Variants in DNAJC21 observed in about 807,000 individuals in gnomAD.
DNAJC21 encodes the protein DnaJ heat shock protein family (Hsp40) member C21.
DNAJC21 carries 63 observed loss-of-function variants against 72.4 expected under a neutral mutation model. The ratio of observed to expected loss-of-function variants is 0.87; its 90% CI spans 0.71 to 1.07. The LOEUF (loss-of-function observed/expected upper bound fraction) is 1.07, where lower values mean the gene tolerates loss of function less well. Among genes scored for constraint, DNAJC21 ranks in the 50% least tolerant of loss-of-function variants. The pLI is 0.00. For missense variants in DNAJC21, 634 were observed against 644.8 expected, an observed-to-expected ratio of 0.98 and a Z score of 0.18; for synonymous variants, 203 against 216.7, an observed-to-expected ratio of 0.94 and a Z score of 0.56.
chr5:34,945,654 T>C, intron 8 of DNAJC21, 107 bp from the exon 9 acceptor site: 2 of 908,042 alleles, frequency 2.2e-6, no homozygotes, highest in Non-Finnish European at 1.6e-6. Flanking sequence ...TTTTTAATCT[T>C]TTACTTCTGT....
At chr5:34,945,081 TA>T in intron 8 of DNAJC21, 56 bp downstream of exon 8, 1 of 1,581,062 alleles carries the variant, frequency 6.3e-7, no homozygotes, top group East Asian at 2.3e-5. Context: ...GAGATTGCAT[TA>T]AAAGGTTTTT....
At chr5:34,939,125 G>A (rs1764899079) in intron 6 of DNAJC21, 116 bp downstream of exon 6, 1 of 983,312 alleles carries the variant, frequency 1.0e-6, no homozygotes, top group South Asian at 1.8e-5. Context: ...AAATAATGTT[G>A]TATGGGCCAA....
At chr5:34,942,319 C>T (rs749371935) in intron 7 of DNAJC21, among the ~76,000 whole-genome samples, 9 of 151,834 alleles carry the variant, frequency 5.9e-5, no homozygotes, top group Non-Finnish European at 1.3e-4. Context: ...AAACGGATAC[C>T]ATTATTATAA....
intron 7 of DNAJC21, 72 bp from the exon 8 acceptor site, chr5:34,944,795 G>T: frequency 6.3e-7 from 1 of 1,579,196 alleles, no homozygotes; most frequent in Non-Finnish European, 8.6e-7. Flanking sequence ...CTTGGTTGCA[G>T]TTATCCAGCA....
At chr5:34,942,254 T>G (rs983951247) in intron 7 of DNAJC21, among the ~76,000 whole-genome samples, 1 of 152,162 alleles carries the variant, frequency 6.6e-6, no homozygotes, top group East Asian at 1.9e-4. Context: ...AGAGTATCTT[T>G]GCTGAAGTGG....
chr5:34,933,596 A>G (rs1561180306), intron 1 of DNAJC21, among the ~76,000 whole-genome samples: 1 of 152,138 alleles, frequency 6.6e-6, no homozygotes, highest in East Asian at 1.9e-4. Flanking sequence ...CTGTTTAGTG[A>G]TGTACCAAGG....
intron 3 of DNAJC21, 24 bp downstream of exon 3, chr5:34,935,857 G>A (rs868630231): frequency 6.2e-7 from 1 of 1,613,152 alleles, no homozygotes; most frequent in Non-Finnish European, 8.5e-7. Context: ...ACTCACCCTT[G>A]ATTTCTCATC....
intron 9 of DNAJC21, among the ~76,000 whole-genome samples, chr5:34,949,219 G>A (rs1269810484): frequency 1.3e-5 from 2 of 152,072 alleles, no homozygotes; most frequent in Non-Finnish European, 2.9e-5. Context: ...CGGGATTATA[G>A]TATTATGCTA....
chr5:34,940,113 C>T (rs548354166), intron 6 of DNAJC21, among the ~76,000 whole-genome samples: 1 of 152,228 alleles, frequency 6.6e-6, no homozygotes, highest in South Asian at 2.1e-4. Flanking sequence ...GGAGGTTTTG[C>T]TCATGGAATC....
At chr5:34,945,736 C>T (rs1418226813) in intron 8 of DNAJC21, 25 bp from the exon 9 acceptor site, 1 of 1,566,296 alleles carries the variant, frequency 6.4e-7, no homozygotes, top group South Asian at 1.2e-5. Flanking sequence ...AAGTATTTGA[C>T]ATTTCGATTT....
intron 9 of DNAJC21, 59 bp downstream of exon 9, chr5:34,945,862 T>C (rs1765161283): frequency 8.1e-7 from 1 of 1,227,718 alleles, no homozygotes; most frequent in South Asian, 1.4e-5. Context: ...AGTGCTCTTA[T>C]TTATTCAGTG....
chr5:34,951,106 T>G, intron 10 of DNAJC21: 1 of 985,448 alleles, frequency 1.0e-6, no homozygotes, highest in Non-Finnish European at 1.2e-6. Flanking sequence ...CTTCGGAGTT[T>G]AAGGCACTTA....
At chr5:34,950,772 G>T in intron 10 of DNAJC21, 1 of 987,908 alleles carries the variant, frequency 1.0e-6, no homozygotes, top group Non-Finnish European at 1.2e-6. Flanking sequence ...GGCAGCAGCT[G>T]GGGCCCTTCC....
rs575602182 is a variant in DNAJC21, at chr5:34,941,836, G to A, written c.983+653G>A. ...CCCACCTCGGCCTCCCAAAGTGTTGGGATTACAGGCGTGAGCCACAGCGCC... is the reference window on the plus strand; with the variant it reads ...CCCACCTCGGCCTCCCAAAGTGTTGAGATTACAGGCGTGAGCCACAGCGCC... On this transcript the variant is annotated intron_variant, in intron 7 of 11. Transcript: ENST00000648817. Among the ~76,000 whole-genome samples, 4 of 151,810 alleles carry A rather than the reference G, an allele frequency of 2.6e-5. No individual in the cohort carries two copies. The South Asian group carries it at 8.3e-4, about 32-fold the overall frequency.
rs903142642 is a variant in DNAJC21 at position 34,956,520 on chromosome 5, C to G, written c.*1806C>G. The G allele has an allele frequency of 2.0e-5, 3 of 152,084 alleles. No individual in the cohort carries two copies. The highest frequency in any genetic ancestry group is 2.9e-5 in the Non-Finnish European group (2 of 68,032). 9.4% of individuals were successfully genotyped at this position (152,084 alleles called of 1,614,324 possible). A position where few individuals can be genotyped will look rare whatever the true frequency, so the allele number is the denominator to read the frequency against. On this transcript the variant is annotated 3_prime_UTR_variant, in exon 12 of 12. Coordinates refer to ENST00000648817, the MANE Select transcript of DNAJC21 (RefSeq NM_001012339.3). Reference sequence around the variant, plus strand: ...GTGCTCTGCCGCCTTCTTATCTGAACTAGATGAATTGGCCATAATTATGAA... The same window carrying G: ...GTGCTCTGCCGCCTTCTTATCTGAAGTAGATGAATTGGCCATAATTATGAA...
intron 1 of DNAJC21, among the ~76,000 whole-genome samples, chr5:34,931,778 G>T (rs1245184739): frequency 6.6e-6 from 1 of 152,136 alleles, no homozygotes; most frequent in Admixed American, 6.5e-5. Context: ...GCCCAAGCCA[G>T]GCTTGGGGTC....
intron 1 of DNAJC21, among the ~76,000 whole-genome samples, chr5:34,932,433 A>C (rs1472719752): frequency 6.6e-6 from 1 of 152,102 alleles, no homozygotes; most frequent in African/African-American, 2.4e-5. Context: ...AAAAAAAAAA[A>C]AAACGAACTT....
rs772248781 is a variant in DNAJC21 at position 34,941,122 on chromosome 5, G to T, written c.922G>T (p.Ala308Ser). 2 of 1,614,122 alleles carry T rather than the reference G, an allele frequency of 1.2e-6. No individual in the cohort carries two copies. The highest frequency in any genetic ancestry group is 1.7e-6 in the Non-Finnish European group (2 of 1,179,992). Residue 308 changes from alanine to serine, a missense_variant, in exon 7 of 12, where the codon GCT becomes TCT. Physicochemically the swap from Ala to Ser is moderately conservative, Grantham distance 99 (BLOSUM62 1). Coordinates refer to ENST00000648817, the MANE Select transcript of DNAJC21 (RefSeq NM_001012339.3). Reference sequence around the variant, plus strand: ...TAAAGACAGTGATGAGGCCGAGGACGCTGAGCTCTATGATGACCTTTACTG... The same window carrying T: ...TAAAGACAGTGATGAGGCCGAGGACTCTGAGCTCTATGATGACCTTTACTG... ...DGKDSDEAED[A>S]ELYDDLYCPA...
At chr5:34,943,222 T>C (rs183906899) in intron 7 of DNAJC21, among the ~76,000 whole-genome samples, 307 of 152,390 alleles carry the variant, frequency 2.0e-3, no homozygotes, top group African/African-American at 7.1e-3. Context: ...AGAATTTTTC[T>C]CCAATACAGA....
Sources: allele counts gnomAD v4.1 joint callset (sites outside exome capture counted in the v4.1 genomes callset), GRCh38; gene constraint gnomAD v4.1.1; transcripts MANE v1.5; gene names NCBI Gene and HGNC (gene_info 2026-07-23, HGNC 2026-07-21).